The following TFG variants were observed in gnomAD, a reference collection of about 807,000 sequenced individuals.
TFG encodes the protein trafficking from ER to golgi regulator.
A neutral mutation model predicts 51.4 loss-of-function variants in TFG; 22 were observed. The observed-to-expected ratio is 0.43, with a 90% confidence interval of 0.31 to 0.61. The LOEUF (loss-of-function observed/expected upper bound fraction) is 0.61. Ranked by LOEUF, TFG falls within the 20% of genes least tolerant of loss-of-function variation. The pLI is 0.12. For synonymous variants in TFG, 187 were observed against 165.6 expected (o/e 1.13, Z -0.99); for missense variants, 419 against 487.7 (o/e 0.86, Z 1.33).
At position 100,748,772 on chromosome 3, in the gene TFG, A is replaced by C; in HGVS notation, c.*241A>C. The C allele has an allele frequency of 2.3e-6, 1 of 431,650 alleles. No homozygotes were observed. The highest frequency in any genetic ancestry group is 4.1e-6 in the Non-Finnish European group (1 of 244,400). The allele number at this position is 431,650 out of a possible 1,614,324, so 26.7% of individuals were successfully genotyped here. A position where few individuals can be genotyped will look rare whatever the true frequency, so the allele number is the denominator to read the frequency against. ...AGTTACTTTGGAACACTACTCTTAC[A>C]TGTATAAAGTGATTGACTTGACTTT... On this transcript the variant is annotated 3_prime_UTR_variant, in exon 8 of 8. Coordinates refer to ENST00000240851, the MANE Select transcript of TFG (RefSeq NM_006070.6).
At chr3:100,717,429 A>G (rs2095049241) in intron 2 of TFG, among the ~76,000 whole-genome samples, 2 of 152,148 alleles carry the variant, frequency 1.3e-5, no homozygotes, top group Admixed American at 1.3e-4. Flanking sequence ...TTGTTTTTAA[A>G]TTTTTATGAA....
rs754768452 is a variant in TFG at position 100,738,093 on chromosome 3, A to T, written c.721+1377A>T. Among the ~76,000 whole-genome samples, 622 of 152,270 alleles carry T rather than the reference A, an allele frequency of 4.1e-3. 2 individuals carry two copies. The highest frequency in any genetic ancestry group is 7.8e-3 in the Non-Finnish European group (532 of 68,004). ...TCAAAAACAAACAAAGCCAAAAAAA[A>T]AAAAATCCACAGAGTTGTCTGTTGG... is the stretch of plus-strand genomic sequence containing the variant. On this transcript the variant is annotated intron_variant, in intron 6 of 7. Coordinates refer to ENST00000240851, the MANE Select transcript of TFG (RefSeq NM_006070.6).
intron 4 of TFG, among the ~76,000 whole-genome samples, chr3:100,731,740 A>G (rs1201172804): frequency 1.3e-5 from 2 of 151,958 alleles, no homozygotes; most frequent in South Asian, 2.1e-4. Flanking sequence ...TATTTTTGGT[A>G]GAGATTGGGT....
intron 2 of TFG, among the ~76,000 whole-genome samples, chr3:100,718,798 T>TC (rs1035119518): frequency 6.6e-6 from 1 of 152,086 alleles, no homozygotes; most frequent in Admixed American, 6.5e-5. Context: ...CCTCAGGTGA[T>TC]CCGCCCACCT....
rs746764716 is a variant in TFG, at chr3:100,713,728, G to A, written c.43G>A (p.Ala15Thr). 10 of 1,610,610 alleles carry A rather than the reference G, an allele frequency of 6.2e-6. No homozygotes were observed. Among genetic ancestry groups the A allele is most frequent in the African/African-American group, 2.7e-5 (2 of 74,816 alleles). The change falls in exon 2 of 8, where the codon GCT becomes ACT. Residue 15 changes from alanine (A) to threonine (T), a missense_variant. Ala to Thr is a moderately conservative substitution (Grantham distance 58). Around this residue, in one of 3 missense-constraint regions of TFG, gnomAD observed 22 missense variants for 27.5 expected, o/e 0.80. Transcript: ENST00000240851. ...TCTAAGTGGGAAGCTAATCATCAAAGCTCAACTTGGGGAGGATATTCGGCG... is the reference window on the plus strand; with the variant it reads ...TCTAAGTGGGAAGCTAATCATCAAAACTCAACTTGGGGAGGATATTCGGCG... ...LDLSGKLIIKAQLGEDIRRIP... is the reference protein window; with the variant it reads ...LDLSGKLIIKTQLGEDIRRIP...
rs555932615 is a variant in TFG, at chr3:100,731,246, T to C, written c.416-1262T>C. Among the ~76,000 whole-genome samples, 5 of 152,362 alleles carry C rather than the reference T, an allele frequency of 3.3e-5. No individual in the cohort carries two copies. The South Asian group carries it at 1.0e-3, about 32-fold the overall frequency. On this transcript the variant is annotated intron_variant, in intron 4 of 7. Coordinates refer to ENST00000240851, the MANE Select transcript of TFG (RefSeq NM_006070.6). Reference sequence around the variant, plus strand: ...AATGGTTAGCAACAGTCTTTTTGTTTACTTGTTCGTGTTTTTTGTTTGTTT... The same window carrying C: ...AATGGTTAGCAACAGTCTTTTTGTTCACTTGTTCGTGTTTTTTGTTTGTTT...
Position 100,718,705 on chromosome 3 carries a change from A to G in TFG, c.185-1270A>G, listed in dbSNP as rs550006384. On this transcript the variant is annotated intron_variant, in intron 2 of 7. Transcript: ENST00000240851. Reference sequence around the variant, plus strand: ...CCCAAGTAGCTGGAATTATAGGCACACACCACCACACTCGGCTGATTTTTG... The same window carrying G: ...CCCAAGTAGCTGGAATTATAGGCACGCACCACCACACTCGGCTGATTTTTG... 9.2e-5 allele frequency among the ~76,000 whole-genome samples: 14 copies of G among 151,958 alleles called. No homozygotes were observed. In the East Asian group the frequency reaches 2.3e-3, roughly 25 times the overall value.
chr3:100,720,167 T>A, intron 3 of TFG, 109 bp downstream of exon 3: 1 of 604,164 alleles, frequency 1.7e-6, no homozygotes, highest in Non-Finnish European at 2.8e-6. Context: ...ATTCAAATAT[T>A]ATTACATTTA....
intron 1 of TFG, among the ~76,000 whole-genome samples, chr3:100,712,093 T>C (rs537716471): frequency 1.1e-4 from 17 of 152,230 alleles, no homozygotes; most frequent in African/African-American, 3.4e-4. Context: ...TAGAGTGTTA[T>C]ATTTAGTTTT....
intron 6 of TFG, chr3:100,742,973 A>G (rs528790559): frequency 6.6e-6 from 1 of 151,896 alleles, no homozygotes; most frequent in East Asian, 1.9e-4. Flanking sequence ...GGAGTTCCTT[A>G]CTCATTGATG....
At chr3:100,725,442 A>C (rs763264826) in intron 3 of TFG, among the ~76,000 whole-genome samples, 3 of 151,758 alleles carry the variant, frequency 2.0e-5, no homozygotes, top group Non-Finnish European at 4.4e-5. Flanking sequence ...AATTATGTCT[A>C]TGCTGTTTCA....
At chr3:100,716,708 A>G (rs553024709) in intron 2 of TFG, among the ~76,000 whole-genome samples, 2 of 152,196 alleles carry the variant, frequency 1.3e-5, no homozygotes, top group South Asian at 4.2e-4. Flanking sequence ...TTTGTTATTT[A>G]TCTTTTTGAT....
chr3:100,719,816 C>T (rs1418375424), intron 2 of TFG, among the ~76,000 whole-genome samples, 159 bp from the exon 3 acceptor site: 1 of 152,090 alleles, frequency 6.6e-6, no homozygotes, highest in African/African-American at 2.4e-5. Flanking sequence ...TGAACAAATG[C>T]ATTTTTGCTA....
At chr3:100,728,408 A>AT (rs2095081863) in intron 3 of TFG, among the ~76,000 whole-genome samples, 1 of 151,750 alleles carries the variant, frequency 6.6e-6, no homozygotes, top group Non-Finnish European at 1.5e-5. Flanking sequence ...TGAAGTTATG[A>AT]TTTTTATTAA....
At chr3:100,720,651 G>T (rs1296690686) in intron 3 of TFG, among the ~76,000 whole-genome samples, 1 of 152,198 alleles carries the variant, frequency 6.6e-6, no homozygotes, top group Non-Finnish European at 1.5e-5. Flanking sequence ...TGCCCAGCCC[G>T]GTTTGGTTCC....
Position 100,748,890 on chromosome 3 carries a change from G to A in TFG, c.*359G>A, listed in dbSNP as rs976674601. On this transcript the variant is annotated 3_prime_UTR_variant, in exon 8 of 8. Transcript: ENST00000240851. Reference sequence around the variant, plus strand: ...ACTATTAACATGATGTACTAAAGTAGAGCCCTTTGAGAATACAAGATATTA... The same window carrying A: ...ACTATTAACATGATGTACTAAAGTAAAGCCCTTTGAGAATACAAGATATTA... 1.1e-4 allele frequency: 27 copies of A among 240,252 alleles called. No individual in the cohort carries two copies. The highest frequency in any genetic ancestry group is 2.0e-4 in the Non-Finnish European group (24 of 122,644). 14.9% of individuals were successfully genotyped at this position (240,252 alleles called of 1,614,324 possible).
intron 1 of TFG, chr3:100,710,031 C>T (rs1167618398): frequency 1.3e-5 from 2 of 152,272 alleles, no homozygotes; most frequent in Admixed American, 6.5e-5. Context: ...AGTGCGCCAG[C>T]TAATGCCTTG....
intron 2 of TFG, among the ~76,000 whole-genome samples, chr3:100,715,013 T>TG (rs2095041761): frequency 6.6e-6 from 1 of 152,188 alleles, no homozygotes; most frequent in South Asian, 2.1e-4. Flanking sequence ...GGAACTTACT[T>TG]GCAGTGTATT....
At chr3:100,737,010 T>C (rs960744268) in intron 6 of TFG, among the ~76,000 whole-genome samples, 1 of 152,250 alleles carries the variant, frequency 6.6e-6, no homozygotes, top group Non-Finnish European at 1.5e-5. Flanking sequence ...AAGTTCAGAC[T>C]GGTGATTTCA....
Sources: allele counts gnomAD v4.1 joint callset (sites outside exome capture counted in the v4.1 genomes callset), GRCh38; gene constraint gnomAD v4.1.1; regional missense constraint gnomAD v4.1.1; transcripts MANE v1.5; gene names NCBI Gene and HGNC (gene_info 2026-07-23, HGNC 2026-07-21).